Variants in OSBPL1A observed in about 807,000 individuals in gnomAD.
OSBPL1A encodes the protein oxysterol-binding protein-related protein 1.
OSBPL1A carries 80 observed loss-of-function variants against 137.1 expected under a neutral mutation model. The observed-to-expected ratio is 0.58, with a 90% CI of 0.49 to 0.70. The LOEUF (loss-of-function observed/expected upper bound fraction) is 0.70. Among genes scored for constraint, OSBPL1A ranks in the 30% least tolerant of loss-of-function variants. OSBPL1A has a pLI of 0.00. For missense variants in OSBPL1A, 970 were observed against 1,129.4 expected (o/e 0.86, Z 2.02); for synonymous variants, 365 against 389.7 (o/e 0.94, Z 0.75).
chr18:24,236,628 T>C (rs1364691947), intron 16 of OSBPL1A, among the ~76,000 whole-genome samples: 6 of 152,162 alleles, frequency 3.9e-5, no homozygotes, highest in Non-Finnish European at 8.8e-5. Flanking sequence ...AGGTGTGCTA[T>C]TCAAGGCAAG....
chr18:24,190,893 G>C (rs780621364), intron 18 of OSBPL1A, among the ~76,000 whole-genome samples: 2 of 152,184 alleles, frequency 1.3e-5, no homozygotes, highest in Non-Finnish European at 2.9e-5. Context: ...ATGAGGTCTG[G>C]CCCTATGGCT....
At chr18:24,214,657 C>T (rs1194828745) in intron 17 of OSBPL1A, among the ~76,000 whole-genome samples, 1 of 152,092 alleles carries the variant, frequency 6.6e-6, no homozygotes, top group Non-Finnish European at 1.5e-5. Context: ...AATTGTTGAT[C>T]GTTGAATGTA....
chr18:24,362,490 C>T (rs1042081029), intron 4 of OSBPL1A, among the ~76,000 whole-genome samples: 1 of 152,156 alleles, frequency 6.6e-6, no homozygotes, highest in Non-Finnish European at 1.5e-5. Flanking sequence ...AGAATTGACT[C>T]ATGGTAACGT....
At chr18:24,314,911 A>G (rs2090690525) in intron 11 of OSBPL1A, among the ~76,000 whole-genome samples, 1 of 152,192 alleles carries the variant, frequency 6.6e-6, no homozygotes, top group African/African-American at 2.4e-5. Context: ...GTAGGATATA[A>G]ATAACTCCCA....
chr18:24,328,095 G>GT (rs1240224005), intron 7 of OSBPL1A, among the ~76,000 whole-genome samples: 1 of 138,786 alleles, frequency 7.2e-6, no homozygotes, highest in Non-Finnish European at 1.5e-5. Flanking sequence ...AGGCTGGAGT[G>GT]TAGTGGCGCA....
chr18:24,227,199 G>T (rs1286801639), intron 16 of OSBPL1A, among the ~76,000 whole-genome samples: 1 of 151,802 alleles, frequency 6.6e-6, no homozygotes, highest in Non-Finnish European at 1.5e-5. Context: ...GGCCAGAAAC[G>T]GACATTTTAA....
chr18:24,283,281 A>AAAAAAAAAAAT (rs1246058393), intron 14 of OSBPL1A, among the ~76,000 whole-genome samples: 3 of 78,372 alleles, frequency 3.8e-5, no homozygotes, highest in African/African-American at 1.6e-4. Context: ...AAAAAAAAAA[A>AAAAAAAAAAAT]ATATATATAT....
intron 4 of OSBPL1A, among the ~76,000 whole-genome samples, chr18:24,365,305 C>T (rs1295598617): frequency 6.6e-6 from 1 of 152,118 alleles, no homozygotes; most frequent in Non-Finnish European, 1.5e-5. Context: ...AATGTTTAGG[C>T]CGAGTGCGGT....
intron 16 of OSBPL1A, among the ~76,000 whole-genome samples, chr18:24,233,651 CTCTCTT>C (rs1206377203): frequency 2.0e-5 from 3 of 152,124 alleles, no homozygotes; most frequent in African/African-American, 7.2e-5. Context: ...TTCTCTCTCT[CTCTCTT>C]TCTTTCTTTC....
chr18:24,327,553 G>A (rs909968319), intron 7 of OSBPL1A, among the ~76,000 whole-genome samples: 6 of 152,112 alleles, frequency 3.9e-5, no homozygotes, highest in Non-Finnish European at 8.8e-5. Flanking sequence ...GGAAGTACAG[G>A]CACCTGCCAC....
At chr18:24,360,237 C>G (rs2091601656) in intron 4 of OSBPL1A, among the ~76,000 whole-genome samples, 1 of 152,320 alleles carries the variant, frequency 6.6e-6, no homozygotes, top group South Asian at 2.1e-4. Context: ...TCCCATAGTG[C>G]TGGGATTACA....
chr18:24,174,353 T>A (rs2086370020), intron 21 of OSBPL1A, among the ~76,000 whole-genome samples: 1 of 152,198 alleles, frequency 6.6e-6, no homozygotes, highest in Admixed American at 6.5e-5. Flanking sequence ...ACACCAACAA[T>A]ACACAGGTTG....
intron 17 of OSBPL1A, among the ~76,000 whole-genome samples, chr18:24,199,548 G>A (rs1362472835): frequency 6.6e-6 from 1 of 152,124 alleles, no homozygotes; most frequent in African/African-American, 2.4e-5. Context: ...CTACTGCTGT[G>A]GCCCTGTTGC....
At chr18:24,394,899 G>C (rs935885795) in intron 1 of OSBPL1A, among the ~76,000 whole-genome samples, 1 of 152,164 alleles carries the variant, frequency 6.6e-6, no homozygotes, top group Non-Finnish European at 1.5e-5. Context: ...TATCTTCCTA[G>C]TAATAGCATT....
chr18:24,337,375 T>TAACATAACATAACATAACATAACA (rs748388391), intron 5 of OSBPL1A, among the ~76,000 whole-genome samples: 1 of 141,314 alleles, frequency 7.1e-6, no homozygotes, highest in African/African-American at 2.7e-5. Flanking sequence ...AAACATAACA[T>TAACATAACATAACATAACATAACA]TAACATAACA....
chr18:24,166,120 AC>A (rs1484458340), intron 26 of OSBPL1A, among the ~76,000 whole-genome samples: 3 of 151,896 alleles, frequency 2.0e-5, no homozygotes, highest in African/African-American at 7.3e-5. Flanking sequence ...ATGTTGTAAT[AC>A]CCCATTTACC....
chr18:24,178,246 A>C, intron 20 of OSBPL1A, 51 bp from the exon 21 acceptor site: 1 of 1,419,316 alleles, frequency 7.0e-7, no homozygotes, highest in South Asian at 1.4e-5. Flanking sequence ...CATTATAATT[A>C]ACTCTATCAT....
chr18:24,296,378 G>T (rs1386530553), intron 14 of OSBPL1A, among the ~76,000 whole-genome samples: 1 of 152,058 alleles, frequency 6.6e-6, no homozygotes, highest in African/African-American at 2.4e-5. Context: ...TATTGAATTT[G>T]TTTATGAGAT....
chr18:24,330,522 T>C (rs1464413012), intron 7 of OSBPL1A, among the ~76,000 whole-genome samples: 1 of 152,062 alleles, frequency 6.6e-6, no homozygotes, highest in East Asian at 1.9e-4. Flanking sequence ...TTCACTCTTG[T>C]TGCCCAGGCT....
Sources: gnomAD v4.1 joint callset for allele counts (sites outside exome capture counted in the v4.1 genomes callset) on GRCh38, gnomAD v4.1.1 for gene constraint, MANE v1.5 for transcripts, NCBI Gene and HGNC (gene_info 2026-07-23, HGNC 2026-07-21) for gene names.